PTPRT: variants seen among roughly 807,000 people sequenced by gnomAD.
The protein encoded by PTPRT is protein tyrosine phosphatase receptor type T.
In PTPRT, 56 loss-of-function variants were observed where a neutral mutation model predicts 176.8. The ratio of observed to expected loss-of-function variants is 0.32; its 90% confidence interval spans 0.26 to 0.40. The LOEUF (loss-of-function observed/expected upper bound fraction) is 0.40, where lower values mean the gene tolerates loss of function less well. Among genes scored for constraint, PTPRT ranks in the 10% least tolerant of loss-of-function variants. PTPRT has a pLI of 1.00. For missense variants in PTPRT, 1,540 were observed against 1,908.2 expected (o/e 0.81, Z 3.60); for synonymous variants, 783 against 739.0 (o/e 1.06, Z -0.96).
intron 7 of PTPRT, among the ~76,000 whole-genome samples, chr20:42,633,897 T>TATAATATATTATA (rs2074484157): frequency 1.5e-5 from 1 of 68,162 alleles, no homozygotes; most frequent in South Asian, 3.5e-4. Flanking sequence ...AATTATTATA[T>TATAATATATTATA]ATAATATAAT....
At chr20:42,042,786 T>C in the PTPRT span, among the ~76,000 whole-genome samples, 1 of 152,252 alleles carries the variant, frequency 6.6e-6, no homozygotes, top group East Asian at 1.9e-4. Context: ...ATTTTCCAAC[T>C]TGCGAAAGCT....
At chr20:42,811,386 G>A (rs1569169551) in intron 2 of PTPRT, among the ~76,000 whole-genome samples, 1 of 151,464 alleles carries the variant, frequency 6.6e-6, no homozygotes, top group African/African-American at 2.4e-5. Context: ...GTCACTTTAA[G>A]TTTTTTTTTA....
chr20:42,478,593 C>G (rs1347447161), intron 7 of PTPRT, among the ~76,000 whole-genome samples: 2 of 152,078 alleles, frequency 1.3e-5, no homozygotes, highest in Non-Finnish European at 2.9e-5. Context: ...CACCTCCAAG[C>G]CTCTGCCCAG....
chr20:42,353,561 T>C (rs1353826761), intron 9 of PTPRT, among the ~76,000 whole-genome samples: 3 of 152,214 alleles, frequency 2.0e-5, no homozygotes, highest in Admixed American at 6.6e-5. Context: ...CACTTGAGTG[T>C]CACAGCAAGG....
At position 42,362,980 on chromosome 20, in the gene PTPRT, C is replaced by T. The variant is rs185211962; in HGVS notation, c.1561-10695G>A. ...AGTTAGCTAAGCATGGTGGCGGGCGCGGGTAATCCTAGCTACTTGAGGCTG... is the reference window on the plus strand; with the variant it reads ...AGTTAGCTAAGCATGGTGGCGGGCGTGGGTAATCCTAGCTACTTGAGGCTG... On this transcript the variant is annotated intron_variant, in intron 9 of 30. Coordinates refer to ENST00000373187, the MANE Select transcript of PTPRT (RefSeq NM_007050.6). Among the ~76,000 whole-genome samples the T allele has an allele frequency of 8.5e-4, 129 of 150,900 alleles. 1 individual carries two copies. The highest frequency in any genetic ancestry group is 6.8e-3 in the Middle Eastern group (2 of 292).
At chr20:43,049,428 A>G (rs1986965334) in intron 1 of PTPRT, among the ~76,000 whole-genome samples, 1 of 152,218 alleles carries the variant, frequency 6.6e-6, no homozygotes, top group African/African-American at 2.4e-5. Context: ...CATCTGAAAA[A>G]TACTATCTTG....
At position 42,817,519 on chromosome 20, in the gene PTPRT, T is replaced by C. The variant is rs147544306; in HGVS notation, c.215-26053A>G. Among the ~76,000 whole-genome samples, 223 of 152,328 alleles carry C rather than the reference T, an allele frequency of 1.5e-3. 2 individuals are homozygous for C. The highest frequency in any genetic ancestry group is 5.1e-3 in the African/African-American group (212 of 41,580). On this transcript the variant is annotated intron_variant, in intron 2 of 30. Coordinates refer to ENST00000373187, the MANE Select transcript of PTPRT (RefSeq NM_007050.6). ...AATATATGTATATTCAGGGACAGTATGCTTATTCTAGGAAAGGAAAGACTG... is the reference window on the plus strand; with the variant it reads ...AATATATGTATATTCAGGGACAGTACGCTTATTCTAGGAAAGGAAAGACTG...
At chr20:42,724,454 G>A (rs1172754859) in intron 6 of PTPRT, among the ~76,000 whole-genome samples, 1 of 152,060 alleles carries the variant, frequency 6.6e-6, no homozygotes, top group East Asian at 1.9e-4. Flanking sequence ...CAAAGCTCAG[G>A]GCATTTCTTT....
intron 9 of PTPRT, among the ~76,000 whole-genome samples, chr20:42,436,657 T>C (rs988272977): frequency 2.0e-5 from 3 of 152,234 alleles, no homozygotes; most frequent in Non-Finnish European, 4.4e-5. Context: ...TCATTTACCA[T>C]CTGACCTAGT....
At chr20:42,038,037 A>G in the PTPRT span, among the ~76,000 whole-genome samples, 4 of 152,182 alleles carry the variant, frequency 2.6e-5, no homozygotes, top group Non-Finnish European at 4.4e-5. Context: ...GGTAGATTCT[A>G]TTCTTACTCT....
chr20:42,299,093 C>T (rs987400275), intron 12 of PTPRT, among the ~76,000 whole-genome samples: 20 of 151,586 alleles, frequency 1.3e-4, no homozygotes, highest in African/African-American at 1.5e-4. Flanking sequence ...AAAAAAAAAC[C>T]GCCAAGAAAT....
chr20:42,476,850 G>A (rs942145668), intron 7 of PTPRT, among the ~76,000 whole-genome samples: 1 of 152,162 alleles, frequency 6.6e-6, no homozygotes, highest in Non-Finnish European at 1.5e-5. Context: ...CTTACCCAGG[G>A]CCACATGGCC....
At position 42,076,441 on chromosome 20, in the gene PTPRT, C is replaced by G. The variant is rs1279081113; in HGVS notation, c.*4438G>C. The G allele has an allele frequency of 4.9e-6, 1 of 204,898 alleles. No individual in the cohort carries two copies. The highest frequency in any genetic ancestry group is 1.0e-5 in the Non-Finnish European group (1 of 100,072). 12.7% of individuals were successfully genotyped at this position (204,898 alleles called of 1,614,324 possible). ...TTTGTGGGCTCATCCTTCTCCACGC[C>G]AGATGAGCAAATCCTCATCATTCTA... On this transcript the variant is annotated 3_prime_UTR_variant, in exon 31 of 31. Transcript: ENST00000373187.
At chr20:42,294,523 T>C (rs2057360887) in intron 12 of PTPRT, among the ~76,000 whole-genome samples, 1 of 152,100 alleles carries the variant, frequency 6.6e-6, no homozygotes, top group Admixed American at 6.6e-5. Flanking sequence ...AAAATACCTG[T>C]ACTTTACTAT....
At chr20:42,234,045 G>C (rs148344654) in intron 15 of PTPRT, among the ~76,000 whole-genome samples, 2 of 152,252 alleles carry the variant, frequency 1.3e-5, no homozygotes, top group Admixed American at 1.3e-4. Flanking sequence ...AGAGGGATGG[G>C]GGTTAGATGC....
chr20:42,695,022 G>T (rs181153343), intron 6 of PTPRT, among the ~76,000 whole-genome samples: 1,868 of 152,308 alleles, frequency 0.012, 20 homozygotes, highest in Middle Eastern at 0.027. Context: ...CCAGCCCTTT[G>T]GGAGGCCGAG....
intron 15 of PTPRT, among the ~76,000 whole-genome samples, chr20:42,235,656 G>A (rs1724658192): frequency 1.3e-5 from 2 of 152,134 alleles, no homozygotes; most frequent in Non-Finnish European, 1.5e-5. Flanking sequence ...AAAATGCACT[G>A]ATAATATGAG....
intron 1 of PTPRT, among the ~76,000 whole-genome samples, chr20:42,908,404 A>G (rs1029890288): frequency 6.6e-6 from 1 of 152,206 alleles, no homozygotes; most frequent in African/African-American, 2.4e-5. Flanking sequence ...CACAACAAAT[A>G]ATAAATTCCT....
At chr20:43,009,497 T>C (rs1985016312) in intron 1 of PTPRT, among the ~76,000 whole-genome samples, 1 of 152,110 alleles carries the variant, frequency 6.6e-6, no homozygotes. Context: ...GAAAGGGAAT[T>C]GGCAGGTGCA....
Sources: allele counts gnomAD v4.1 joint callset (sites outside exome capture counted in the v4.1 genomes callset), GRCh38; gene constraint gnomAD v4.1.1; transcripts MANE v1.5; gene names NCBI Gene and HGNC (gene_info 2026-07-23, HGNC 2026-07-21).